Variants in SUGCT observed in about 807,000 individuals in gnomAD.
SUGCT encodes succinyl-CoA:glutarate CoA-transferase.
A neutral mutation model predicts 55.0 loss-of-function variants in SUGCT; 41 were observed. The observed-to-expected ratio is 0.74, with a 90% CI of 0.58 to 0.97. SUGCT has a LOEUF of 0.97. Ranked by LOEUF, SUGCT falls within the 50% of genes least tolerant of loss-of-function variation. The pLI, the probability that SUGCT is intolerant of heterozygous loss-of-function variation, is 0.00. For synonymous variants in SUGCT, 187 were observed against 200.4 expected, an observed-to-expected ratio of 0.93 and a Z score of 0.56; for missense variants, 568 against 547.8, an observed-to-expected ratio of 1.04 and a Z score of -0.37.
intron 12 of SUGCT, among the ~76,000 whole-genome samples, chr7:40,512,657 T>G (rs1792994132): frequency 6.6e-6 from 1 of 152,222 alleles, no homozygotes; most frequent in Admixed American, 6.5e-5. Context: ...ATGGAAATTT[T>G]TTTTTTAAGA....
chr7:40,962,673 G>T, the SUGCT span, among the ~76,000 whole-genome samples: 39,884 of 151,430 alleles, frequency 0.26, 5,376 homozygotes, highest in Middle Eastern at 0.33. Flanking sequence ...GAAGTTCTAG[G>T]TTAAAAAATC....
chr7:40,612,440 C>T (rs1204680818), intron 12 of SUGCT, among the ~76,000 whole-genome samples: 2 of 152,156 alleles, frequency 1.3e-5, no homozygotes, highest in African/African-American at 4.8e-5. Flanking sequence ...GAGCCCACAC[C>T]CAGCCACCAC....
At chr7:40,245,423 ATTT>A (rs1168316176) in intron 7 of SUGCT, among the ~76,000 whole-genome samples, 5 of 54,580 alleles carry the variant, frequency 9.2e-5, no homozygotes, top group East Asian at 4.4e-4. Flanking sequence ...ATATATATAT[ATTT>A]TTTTTTTTTT....
chr7:40,264,780 T>G (rs1791450174), intron 7 of SUGCT, among the ~76,000 whole-genome samples: 1 of 152,222 alleles, frequency 6.6e-6, no homozygotes, highest in African/African-American at 2.4e-5. Flanking sequence ...TTCAAGTTTC[T>G]AAGTATCTCT....
intron 6 of SUGCT, among the ~76,000 whole-genome samples, chr7:40,216,273 A>C (rs991999378): frequency 1.3e-5 from 2 of 152,004 alleles, no homozygotes; most frequent in African/African-American, 2.4e-5. Flanking sequence ...AGGCTGAGGC[A>C]GGCGGATCAC....
chr7:40,480,094 C>T lies in SUGCT; in HGVS notation c.987-16190C>T, dbSNP rs150564689. 1.4e-4 allele frequency among the ~76,000 whole-genome samples: 21 copies of T among 152,076 alleles called. No individual in the cohort carries two copies. The East Asian group carries it at 3.5e-3, about 25-fold the overall frequency. ...GGCCATAATCTAAAAAATTGTTTCT[C>T]AGGCCAATATTAGGAAACTTTCCCC... On this transcript the variant is annotated intron_variant, in intron 11 of 13. Coordinates refer to ENST00000335693, the MANE Select transcript of SUGCT (RefSeq NM_001193313.2).
At chr7:40,710,091 CA>C (rs1214746352) in intron 12 of SUGCT, among the ~76,000 whole-genome samples, 1 of 152,196 alleles carries the variant, frequency 6.6e-6, no homozygotes, top group African/African-American at 2.4e-5. Flanking sequence ...AAACTAGGGA[CA>C]GCACCCAGCT....
intron 8 of SUGCT, among the ~76,000 whole-genome samples, chr7:40,314,960 A>G (rs1248545015): frequency 2.0e-5 from 3 of 152,212 alleles, no homozygotes; most frequent in African/African-American, 7.2e-5. Flanking sequence ...ATTACTTACT[A>G]TTTTGCAAAT....
At chr7:40,604,754 C>G (rs1035124516) in intron 12 of SUGCT, among the ~76,000 whole-genome samples, 2 of 152,160 alleles carry the variant, frequency 1.3e-5, no homozygotes, top group Admixed American at 6.5e-5. Flanking sequence ...TTAAAGCTTC[C>G]TTTTCCAAGA....
At chr7:40,421,273 C>G (rs1384588637) in intron 9 of SUGCT, among the ~76,000 whole-genome samples, 1 of 152,126 alleles carries the variant, frequency 6.6e-6, no homozygotes, top group Non-Finnish European at 1.5e-5. Context: ...CACTTTTACT[C>G]ATCTAGTTTT....
At chr7:40,357,657 A>T (rs1476996975) in intron 9 of SUGCT, among the ~76,000 whole-genome samples, 1 of 152,196 alleles carries the variant, frequency 6.6e-6, no homozygotes, top group East Asian at 1.9e-4. Context: ...ATGAACACTG[A>T]CATTTCAATT....
At chr7:40,590,852 G>A (rs983928773) in intron 12 of SUGCT, among the ~76,000 whole-genome samples, 3 of 152,162 alleles carry the variant, frequency 2.0e-5, no homozygotes, top group Non-Finnish European at 4.4e-5. Flanking sequence ...CACTGCGTCT[G>A]TTTACAGCAT....
chr7:40,887,659 G>A, the SUGCT span, among the ~76,000 whole-genome samples: 2 of 152,264 alleles, frequency 1.3e-5, no homozygotes, highest in East Asian at 3.9e-4. Flanking sequence ...AGGTCCTTAG[G>A]TAGGCATATG....
chr7:40,349,680 G>A (rs1481872208), intron 9 of SUGCT, among the ~76,000 whole-genome samples: 1 of 151,788 alleles, frequency 6.6e-6, no homozygotes, highest in Non-Finnish European at 1.5e-5. Context: ...CTTCTTATAT[G>A]GTTTTTTTTG....
chr7:40,559,571 G>T (rs1320426117), intron 12 of SUGCT, among the ~76,000 whole-genome samples: 4 of 152,206 alleles, frequency 2.6e-5, no homozygotes, highest in Non-Finnish European at 5.9e-5. Flanking sequence ...ATGTGTATTT[G>T]TTTATGAGAT....
the SUGCT span, among the ~76,000 whole-genome samples, chr7:40,934,101 GACCT>G: frequency 2.2e-4 from 33 of 152,276 alleles, no homozygotes; most frequent in African/African-American, 7.5e-4. Flanking sequence ...TGTTGTTGGT[GACCT>G]ACAGATGGGG....
rs561055697 is a variant in SUGCT, at chr7:40,340,528, G to A, written c.816+23673G>A. 2.6e-5 allele frequency among the ~76,000 whole-genome samples: 4 copies of A among 152,250 alleles called. No individual in the cohort carries two copies. In the East Asian group the frequency reaches 5.8e-4, roughly 22 times the overall value. ...ATGCTTTAAATACATTAATAGAAGG[G>A]CAGGGGAATACGTCATATCAAAGAT... On this transcript the variant is annotated intron_variant, in intron 9 of 13. Coordinates refer to ENST00000335693, the MANE Select transcript of SUGCT (RefSeq NM_001193313.2).
chr7:40,511,728 A>T (rs768982017), intron 12 of SUGCT, among the ~76,000 whole-genome samples: 1 of 152,208 alleles, frequency 6.6e-6, no homozygotes, highest in Non-Finnish European at 1.5e-5. Context: ...TTGAATTTTT[A>T]AAAAATGTTA....
At chr7:40,369,675 G>A (rs1159228972) in intron 9 of SUGCT, among the ~76,000 whole-genome samples, 6 of 152,126 alleles carry the variant, frequency 3.9e-5, no homozygotes, top group Admixed American at 3.9e-4. Context: ...AATCCAATCT[G>A]GATTAGGATT....
Sources: allele counts gnomAD v4.1 joint callset (sites outside exome capture counted in the v4.1 genomes callset), GRCh38; gene constraint gnomAD v4.1.1; transcripts MANE v1.5; gene names NCBI Gene and HGNC (gene_info 2026-07-23, HGNC 2026-07-21).